Variants in TYW1B observed in about 807,000 individuals in gnomAD.
TYW1B encodes the protein S-adenosyl-L-methionine-dependent tRNA 4-demethylwyosine synthase TYW1B.
TYW1B carries 73 observed loss-of-function variants against 86.9 expected under a neutral mutation model. That is an observed-to-expected ratio of 0.84 (90% confidence interval 0.70 to 1.02). The LOEUF is 1.02. TYW1B is among the 50% of genes least tolerant of loss of function. TYW1B has a pLI of 0.00. For missense variants in TYW1B, 637 were observed against 827.4 expected, an observed-to-expected ratio of 0.77 and a Z score of 2.82; for synonymous variants, 248 against 292.8, an observed-to-expected ratio of 0.85 and a Z score of 1.56.
At chr7:72,787,925 C>T (rs1788156207) in intron 6 of TYW1B, among the ~76,000 whole-genome samples, 1 of 152,228 alleles carries the variant, frequency 6.6e-6, no homozygotes, top group Admixed American at 6.5e-5. Flanking sequence ...ATTTAGATCA[C>T]CAAGTTATAA....
At chr7:72,765,294 G>A (rs1787751742) in intron 7 of TYW1B, among the ~76,000 whole-genome samples, 3 of 152,144 alleles carry the variant, frequency 2.0e-5, no homozygotes, top group Non-Finnish European at 4.4e-5. Context: ...AAAAAGTTAT[G>A]TCTCTATAGA....
chr7:72,827,589 TAA>T (rs1434603245), intron 1 of TYW1B, among the ~76,000 whole-genome samples: 1 of 149,108 alleles, frequency 6.7e-6, no homozygotes, highest in Non-Finnish European at 1.5e-5. Flanking sequence ...CATGTGAAAT[TAA>T]GTTAATTGTT....
intron 13 of TYW1B, among the ~76,000 whole-genome samples, chr7:72,603,695 C>G (rs1445302431): frequency 6.6e-6 from 1 of 152,038 alleles, no homozygotes; most frequent in African/African-American, 2.4e-5. Flanking sequence ...ATAAGCCATG[C>G]TGGCAGTAGG....
Position 72,810,364 on chromosome 7 carries a change from A to G in TYW1B, c.432+107T>C, listed in dbSNP as rs1428114381. 3.5e-6 allele frequency: 4 copies of G among 1,155,470 alleles called. No homozygotes were observed. The African/African-American group carries it at 4.9e-5, about 14-fold the overall frequency. 71.6% of individuals were successfully genotyped at this position (1,155,470 alleles called of 1,614,324 possible). A position where few individuals can be genotyped will look rare whatever the true frequency, so the allele number is the denominator to read the frequency against. Reference sequence around the variant, plus strand: ...GATTATTTCACATACATGTGTGTTTATGTGTGTGTACGTGTGTGCACGTGT... The same window carrying G: ...GATTATTTCACATACATGTGTGTTTGTGTGTGTGTACGTGTGTGCACGTGT... On this transcript the variant is annotated intron_variant, in intron 4 of 13. Transcript: ENST00000620995.
At chr7:72,662,809 C>T (rs1256812814) in intron 11 of TYW1B, among the ~76,000 whole-genome samples, 5 of 152,090 alleles carry the variant, frequency 3.3e-5, no homozygotes, top group Admixed American at 6.6e-5. Context: ...AAGAGCAAGC[C>T]ATCTTCACAC....
chr7:72,783,155 T>G (rs1181460702), intron 6 of TYW1B, among the ~76,000 whole-genome samples: 3 of 152,038 alleles, frequency 2.0e-5, no homozygotes, highest in African/African-American at 7.3e-5. Context: ...TCCCAGCACT[T>G]TGGGAGGCTG....
intron 7 of TYW1B, among the ~76,000 whole-genome samples, chr7:72,762,352 T>C (rs1442666259): frequency 1.3e-5 from 2 of 152,166 alleles, no homozygotes; most frequent in Admixed American, 6.6e-5. Context: ...TCACACATCA[T>C]TGCCTTCTGT....
At chr7:72,719,729 C>T (rs561117319) in intron 9 of TYW1B, among the ~76,000 whole-genome samples, 62 of 151,016 alleles carry the variant, frequency 4.1e-4, no homozygotes, top group African/African-American at 1.3e-3. Context: ...GAAAAAGAGG[C>T]AGGCTGACCT....
intron 6 of TYW1B, among the ~76,000 whole-genome samples, chr7:72,785,993 T>G (rs1162898963): frequency 6.6e-6 from 1 of 151,830 alleles, no homozygotes; most frequent in Non-Finnish European, 1.5e-5. Flanking sequence ...GGCGCTATAA[T>G]CCCACCTACT....
chr7:72,766,979 C>G (rs1787781858), intron 7 of TYW1B, among the ~76,000 whole-genome samples: 1 of 151,920 alleles, frequency 6.6e-6, no homozygotes, highest in South Asian at 2.1e-4. Context: ...GTCATGCTTT[C>G]TGAAAAAGAT....
chr7:72,770,619 C>CTAAAGT (rs1787851148), intron 7 of TYW1B, among the ~76,000 whole-genome samples: 1 of 152,038 alleles, frequency 6.6e-6, no homozygotes, highest in Non-Finnish European at 1.5e-5. Context: ...GGAGTTTCTT[C>CTAAAGT]TAAAGTTAAA....
At chr7:72,782,400 G>A (rs1487926148) in intron 6 of TYW1B, among the ~76,000 whole-genome samples, 3 of 152,144 alleles carry the variant, frequency 2.0e-5, no homozygotes, top group Admixed American at 6.6e-5. Flanking sequence ...AAACAAGGCC[G>A]AAAACTGATT....
rs563370593 is a variant in TYW1B, at chr7:72,826,743, T to C, written c.135+112A>G. 599 of 1,342,296 alleles carry C rather than the reference T, an allele frequency of 4.5e-4. 6 individuals are homozygous for C. The South Asian group carries it at 7.4e-3, about 17-fold the overall frequency. The allele number at this position is 1,342,296 out of a possible 1,614,324, so 83.1% of individuals were successfully genotyped here. A position where few individuals can be genotyped will look rare whatever the true frequency, so the allele number is the denominator to read the frequency against. On this transcript the variant is annotated intron_variant, in intron 2 of 13. Transcript: ENST00000620995. The stretch of plus-strand genomic sequence containing the variant: ...GAAGAAATTTATTTTAGGCATTTCA[T>C]TAAAATGTCTAAAGACCAAACACAA...
intron 13 of TYW1B, 116 bp from the exon 14 acceptor site, chr7:72,575,835 C>G: frequency 6.9e-7 from 1 of 1,447,938 alleles, no homozygotes; most frequent in Non-Finnish European, 9.2e-7. Context: ...GCCAAGAAAA[C>G]AAAAACAAAA....
intron 13 of TYW1B, among the ~76,000 whole-genome samples, chr7:72,614,648 A>G (rs1315894156): frequency 2.0e-5 from 3 of 151,358 alleles, no homozygotes; most frequent in Non-Finnish European, 4.4e-5. Context: ...AAAAAAAAAA[A>G]GAAACACAGA....
At chr7:72,723,736 T>C (rs758363108) in intron 9 of TYW1B, among the ~76,000 whole-genome samples, 1 of 152,188 alleles carries the variant, frequency 6.6e-6, no homozygotes, top group Non-Finnish European at 1.5e-5. Context: ...ATCATGCCAT[T>C]GCATTCCAGC....
intron 11 of TYW1B, among the ~76,000 whole-genome samples, chr7:72,683,143 C>T: frequency 6.6e-6 from 1 of 152,180 alleles, no homozygotes; most frequent in African/African-American, 2.4e-5. Context: ...CAACTCCAGC[C>T]AGCGCCGGCC....
rs1812539379 is a variant in TYW1B at position 72,632,390 on chromosome 7, A to ATATATATATAATATATATATACG, written c.1507-3394_1507-3393insCGTATATATATATTATATATATA. 5.2e-5 allele frequency among the ~76,000 whole-genome samples: 5 copies of ATATATATATAATATATATATACG among 96,410 alleles called. No individual in the cohort carries two copies. In the East Asian group the frequency reaches 1.2e-3, roughly 23 times the overall value. 63.2% of individuals were successfully genotyped at this position (96,410 alleles called of 152,430 possible). A position where few individuals can be genotyped will look rare whatever the true frequency, so the allele number is the denominator to read the frequency against. ...ACGCATATATATTATATATATACGT[A>ATATATATATAATATATATATACG]TATATATATAATATATATATACATA... On this transcript the variant is annotated intron_variant, in intron 11 of 13. Transcript: ENST00000620995.
At chr7:72,768,260 A>T (rs1787806098) in intron 7 of TYW1B, among the ~76,000 whole-genome samples, 2 of 152,052 alleles carry the variant, frequency 1.3e-5, no homozygotes, top group African/African-American at 4.8e-5. Flanking sequence ...AAAAATTTTA[A>T]AAAATGGCTT....
Sources: gnomAD v4.1 joint callset for allele counts (sites outside exome capture counted in the v4.1 genomes callset) on GRCh38, gnomAD v4.1.1 for gene constraint, MANE v1.5 for transcripts, NCBI Gene and HGNC (gene_info 2026-07-23, HGNC 2026-07-21) for gene names.